The following PCDH15 variants were observed in gnomAD, a reference collection of about 807,000 sequenced individuals.
PCDH15 encodes protocadherin-15.
A neutral mutation model predicts 178.5 loss-of-function variants in PCDH15; 129 were observed. That is an observed-to-expected ratio of 0.72 (90% CI 0.63 to 0.84). The LOEUF (loss-of-function observed/expected upper bound fraction) is 0.84. Among genes scored for constraint, PCDH15 ranks in the 40% least tolerant of loss-of-function variants. The pLI, the probability that PCDH15 is intolerant of heterozygous loss-of-function variation, is 0.00. For synonymous variants in PCDH15, 800 were observed against 732.0 expected, an observed-to-expected ratio of 1.09 and a Z score of -1.50; for missense variants, 2,230 against 2,099.9, an observed-to-expected ratio of 1.06 and a Z score of -1.21.
chr10:55,216,734 T>C (rs1840713850), intron 1 of PCDH15, among the ~76,000 whole-genome samples: 1 of 151,948 alleles, frequency 6.6e-6, no homozygotes, highest in Non-Finnish European at 1.5e-5. Flanking sequence ...GTGTCAATCT[T>C]GCACTCAAAA....
rs149219927 is a variant in PCDH15, at chr10:54,064,210, T to A, written c.2220+2547A>T. Reference sequence around the variant, plus strand: ...AGAGAGAAGACCCGGAATAGGTAGTTCCTTTCTGCAGAAGGTGGTCCCAGG... The same window carrying A: ...AGAGAGAAGACCCGGAATAGGTAGTACCTTTCTGCAGAAGGTGGTCCCAGG... On this transcript the variant is annotated intron_variant, in intron 18 of 37. Coordinates refer to ENST00000644397, the MANE Select transcript of PCDH15 (RefSeq NM_001384140.1). 3.0e-4 allele frequency among the ~76,000 whole-genome samples: 46 copies of A among 152,276 alleles called. 1 individual carries two copies. Among genetic ancestry groups the A allele is most frequent in the African/African-American group, 1.1e-3 (44 of 41,566 alleles).
intron 19 of PCDH15, among the ~76,000 whole-genome samples, chr10:54,021,365 CAATT>C (rs1266474350): frequency 6.6e-6 from 1 of 151,948 alleles, no homozygotes; most frequent in African/African-American, 2.4e-5. Context: ...CTCCTCCAAT[CAATT>C]ATTGACTTAA....
chr10:54,071,237 C>T (rs1293539807), intron 17 of PCDH15, among the ~76,000 whole-genome samples: 2 of 152,078 alleles, frequency 1.3e-5, no homozygotes, highest in Non-Finnish European at 2.9e-5. Flanking sequence ...GAGTAAATAG[C>T]TGGAAGTCAG....
chr10:55,524,312 A>G (rs1841253482), intron 2 of PCDH15, among the ~76,000 whole-genome samples: 1 of 151,602 alleles, frequency 6.6e-6, no homozygotes, highest in African/African-American at 2.4e-5. Context: ...GGATGGTTAT[A>G]TTTAAGTAAA....
chr10:54,456,917 T>C (rs1174950308), intron 3 of PCDH15, among the ~76,000 whole-genome samples: 2 of 152,164 alleles, frequency 1.3e-5, no homozygotes, highest in African/African-American at 4.8e-5. Flanking sequence ...ACATGTTTAC[T>C]TCCCCTTCTG....
At chr10:54,893,790 T>C (rs1954504429) in intron 3 of PCDH15, among the ~76,000 whole-genome samples, 1 of 152,132 alleles carries the variant, frequency 6.6e-6, no homozygotes, top group Non-Finnish European at 1.5e-5. Flanking sequence ...CTGAATTATT[T>C]ACACGACAGC....
intron 2 of PCDH15, among the ~76,000 whole-genome samples, chr10:54,950,721 C>T (rs1400900643): frequency 1.3e-5 from 2 of 151,894 alleles, no homozygotes; most frequent in African/African-American, 2.4e-5. Context: ...ATGAGAACAG[C>T]GTGGGGGAAA....
Position 55,273,099 on chromosome 10 carries a change from T to TGAAA in PCDH15, c.-156+46496_-156+46499dup, listed in dbSNP as rs1455642968. 1.7e-4 allele frequency among the ~76,000 whole-genome samples: 26 copies of TGAAA among 152,236 alleles called. 1 individual carries two copies. Among genetic ancestry groups the TGAAA allele is most frequent in the Admixed American group, 1.2e-3 (19 of 15,292 alleles). Reference sequence around the variant, plus strand: ...GATTTCAAAGTTGAATGAAAAACTGTGAAAGAATGTTCCTGGCATAGTGCA... The same window carrying TGAAA: ...GATTTCAAAGTTGAATGAAAAACTGTGAAAGAAAGAATGTTCCTGGCATAGTGCA... On this transcript the variant is annotated intron_variant, in intron 1 of 5. Coordinates refer to the PCDH15 transcript ENST00000458638.
chr10:54,310,750 G>A (rs948718438), intron 8 of PCDH15, among the ~76,000 whole-genome samples: 1 of 151,632 alleles, frequency 6.6e-6, no homozygotes, highest in Non-Finnish European at 1.5e-5. Context: ...AACAATAAGG[G>A]AGAAAAAAAG....
chr10:55,200,440 T>C (rs900374480), intron 1 of PCDH15, among the ~76,000 whole-genome samples: 2 of 152,064 alleles, frequency 1.3e-5, no homozygotes, highest in Non-Finnish European at 2.9e-5. Flanking sequence ...TGGAAGTAAG[T>C]AATTTGAACT....
At chr10:54,132,007 G>A (rs760805993) in intron 15 of PCDH15, among the ~76,000 whole-genome samples, 13 of 152,104 alleles carry the variant, frequency 8.5e-5, no homozygotes, top group Middle Eastern at 3.2e-3. Context: ...ATTTTCCTGG[G>A]TTAGTCATGT....
chr10:53,894,362 C>G (rs1176137080), intron 26 of PCDH15, among the ~76,000 whole-genome samples: 1 of 152,096 alleles, frequency 6.6e-6, no homozygotes, highest in Admixed American at 6.5e-5. Flanking sequence ...ATGAAGGAAA[C>G]CAGACGAGAT....
intron 2 of PCDH15, among the ~76,000 whole-genome samples, chr10:55,412,333 C>T (rs1838358548): frequency 6.6e-6 from 1 of 151,820 alleles, no homozygotes; most frequent in Non-Finnish European, 1.5e-5. Flanking sequence ...CCTCTGTGGC[C>T]AATATTCTCT....
intron 3 of PCDH15, among the ~76,000 whole-genome samples, chr10:54,386,034 T>C (rs1206795868): frequency 6.6e-6 from 1 of 152,118 alleles, no homozygotes; most frequent in Non-Finnish European, 1.5e-5. Context: ...TTGTTAGGTA[T>C]ACAAGTACAA....
chr10:55,210,818 G>A (rs916980082), intron 1 of PCDH15, among the ~76,000 whole-genome samples: 1 of 150,880 alleles, frequency 6.6e-6, no homozygotes, highest in African/African-American at 2.4e-5. Context: ...TAATAGAGAT[G>A]GGATTTCACC....
intron 2 of PCDH15, among the ~76,000 whole-genome samples, chr10:54,639,084 G>T (rs1590748078): frequency 2.6e-5 from 4 of 152,174 alleles, no homozygotes; most frequent in East Asian, 3.9e-4. Flanking sequence ...CCGTAAAAAG[G>T]ACGTAAAATT....
intron 15 of PCDH15, among the ~76,000 whole-genome samples, chr10:54,117,386 C>G (rs890322320): frequency 2.6e-5 from 4 of 152,044 alleles, no homozygotes; most frequent in African/African-American, 4.8e-5. Context: ...CTGCAGAACC[C>G]CAAGGAGGGT....
intron 2 of PCDH15, among the ~76,000 whole-genome samples, chr10:54,952,275 C>T (rs1301120856): frequency 2.0e-5 from 3 of 151,814 alleles, no homozygotes; most frequent in Non-Finnish European, 4.4e-5. Flanking sequence ...TATTCTTCAT[C>T]GAATTGCCTT....
At chr10:54,311,784 A>C (rs1335510599) in intron 8 of PCDH15, among the ~76,000 whole-genome samples, 1 of 152,064 alleles carries the variant, frequency 6.6e-6, no homozygotes, top group African/African-American at 2.4e-5. Context: ...ATATTAGAAA[A>C]CCGTGTAATC....
Sources: allele counts gnomAD v4.1 joint callset (sites outside exome capture counted in the v4.1 genomes callset), GRCh38; gene constraint gnomAD v4.1.1; transcripts MANE v1.5; gene names NCBI Gene and HGNC (gene_info 2026-07-23, HGNC 2026-07-21).